Variants in WDR27 observed in about 807,000 individuals in gnomAD.
WDR27 encodes the protein WD repeat domain 27.
A neutral mutation model predicts 114.4 loss-of-function variants in WDR27; 100 were observed. The ratio of observed to expected loss-of-function variants is 0.87; its 90% confidence interval spans 0.74 to 1.03. The LOEUF is 1.03. WDR27 is among the 50% of genes least tolerant of loss of function. WDR27 has a pLI of 0.00. For synonymous variants in WDR27, 449 were observed against 423.1 expected, an observed-to-expected ratio of 1.06 and a Z score of -0.75; for missense variants, 1,129 against 1,092.9, an observed-to-expected ratio of 1.03 and a Z score of -0.47.
chr6:169,694,125 T>G (rs893753726), intron 1 of WDR27, among the ~76,000 whole-genome samples: 3 of 152,122 alleles, frequency 2.0e-5, no homozygotes, highest in Non-Finnish European at 4.4e-5. Context: ...CTGACCAACA[T>G]GGTGAAACCC....
the WDR27 span, among the ~76,000 whole-genome samples, chr6:169,433,540 G>A: frequency 6.6e-6 from 1 of 152,166 alleles, no homozygotes. Flanking sequence ...GAATAGTGCT[G>A]CAATAAACAT....
At chr6:169,624,447 T>TA (rs1250692521) in intron 21 of WDR27, among the ~76,000 whole-genome samples, 1 of 152,016 alleles carries the variant, frequency 6.6e-6, no homozygotes, top group African/African-American at 2.4e-5. Flanking sequence ...TCGAGTGACT[T>TA]AGTGAATGAA....
intron 25 of WDR27, among the ~76,000 whole-genome samples, chr6:169,540,014 G>A (rs1471549005): frequency 6.6e-6 from 1 of 152,194 alleles, no homozygotes; most frequent in African/African-American, 2.4e-5. Context: ...GGCCATAGCC[G>A]TTAACATTTA....
intron 25 of WDR27, among the ~76,000 whole-genome samples, chr6:169,506,003 C>G (rs1791958138): frequency 6.6e-6 from 1 of 152,230 alleles, no homozygotes; most frequent in South Asian, 2.1e-4. Context: ...ACCCCCTAAA[C>G]TTTTAAACTC....
At chr6:169,588,520 G>A (rs1169476707) in intron 23 of WDR27, among the ~76,000 whole-genome samples, 1 of 152,164 alleles carries the variant, frequency 6.6e-6, no homozygotes, top group African/African-American at 2.4e-5. Flanking sequence ...AAAAAATCAT[G>A]TATAAGTGGA....
chr6:169,455,171 G>A (rs1784301840), downstream of WDR27, among the ~76,000 whole-genome samples: 1 of 152,206 alleles, frequency 6.6e-6, no homozygotes, highest in African/African-American at 2.4e-5. Flanking sequence ...AAAGGCCAGG[G>A]CCTCTCAGCC....
intron 17 of WDR27, among the ~76,000 whole-genome samples, chr6:169,643,046 G>A (rs566197211): frequency 2.3e-4 from 35 of 152,292 alleles, no homozygotes; most frequent in Admixed American, 7.2e-4. Flanking sequence ...GGGGTATTTG[G>A]ATTTCAGAAT....
chr6:169,590,162 G>C (rs1007552715), intron 23 of WDR27, among the ~76,000 whole-genome samples: 9 of 152,208 alleles, frequency 5.9e-5, no homozygotes, highest in African/African-American at 2.2e-4. Flanking sequence ...ACATCTGTGA[G>C]AATGAAGTTT....
In WDR27 at chr6:169,575,162, AC is replaced by A. The variant is rs529258798; in HGVS notation, c.2524-2623del. On this transcript the variant is annotated intron_variant, in intron 24 of 25. Coordinates refer to ENST00000448612, the MANE Select transcript of WDR27 (RefSeq NM_182552.5). Reference sequence around the variant, plus strand: ...CAGATCTTGGGACTTCTCGGCCTCCACAACTGCATGAGCCAATTCACATAAA... The same window carrying A: ...CAGATCTTGGGACTTCTCGGCCTCCAAACTGCATGAGCCAATTCACATAAA... Among the ~76,000 whole-genome samples, 35 of 152,154 alleles carry A rather than the reference AC, an allele frequency of 2.3e-4. No homozygotes were observed. In the South Asian group the frequency reaches 7.1e-3, roughly 31 times the overall value.
chr6:169,683,407 A>C (rs1220940058), intron 2 of WDR27, among the ~76,000 whole-genome samples: 1 of 152,192 alleles, frequency 6.6e-6, no homozygotes, highest in East Asian at 1.9e-4. Context: ...AGGCAGTGAT[A>C]TATTCAGGGA....
intron 21 of WDR27, among the ~76,000 whole-genome samples, chr6:169,624,187 G>C (rs1237314900): frequency 6.6e-6 from 1 of 151,748 alleles, no homozygotes; most frequent in Non-Finnish European, 1.5e-5. Flanking sequence ...GCAGCGTGTG[G>C]CATCAGGTGT....
intron 12 of WDR27, among the ~76,000 whole-genome samples, chr6:169,658,639 G>A (rs973912296): frequency 6.6e-6 from 1 of 151,440 alleles, no homozygotes; most frequent in Admixed American, 6.6e-5. Flanking sequence ...AGAAGCAACA[G>A]CACGAAAAAC....
chr6:169,686,033 C>T (rs1782855354), intron 2 of WDR27, among the ~76,000 whole-genome samples: 1 of 152,182 alleles, frequency 6.6e-6, no homozygotes, highest in African/African-American at 2.4e-5. Context: ...CAGGAGAGAA[C>T]TGGTTGCTAT....
intron 17 of WDR27, 41 bp from the exon 18 acceptor site, chr6:169,638,701 A>G: frequency 1.3e-6 from 2 of 1,565,464 alleles, no homozygotes; most frequent in African/African-American, 2.7e-5. Context: ...TTCTACTATT[A>G]ATATCAGTTT....
chr6:169,621,178 A>C (rs568710416), intron 21 of WDR27, among the ~76,000 whole-genome samples: 1 of 152,330 alleles, frequency 6.6e-6, no homozygotes, highest in East Asian at 1.9e-4. Context: ...ACATGCATGC[A>C]CATATACATA....
chr6:169,427,655 C>T, the WDR27 span, among the ~76,000 whole-genome samples: 2 of 152,066 alleles, frequency 1.3e-5, no homozygotes, highest in Non-Finnish European at 1.5e-5. Flanking sequence ...CAACTCCTTG[C>T]GTCCCTCGAG....
At chr6:169,444,872 C>G in the WDR27 span, among the ~76,000 whole-genome samples, 1 of 152,118 alleles carries the variant, frequency 6.6e-6, no homozygotes. Context: ...TGCCCTTTTG[C>G]CAGAGGCTGC....
intron 25 of WDR27, among the ~76,000 whole-genome samples, chr6:169,503,557 C>A (rs1791611684): frequency 1.3e-5 from 2 of 152,168 alleles, no homozygotes; most frequent in African/African-American, 4.8e-5. Context: ...AGCCTGTCAT[C>A]TACTGGTTCA....
At chr6:169,622,925 T>C (rs926347240) in intron 21 of WDR27, among the ~76,000 whole-genome samples, 1 of 152,210 alleles carries the variant, frequency 6.6e-6, no homozygotes, top group East Asian at 1.9e-4. Context: ...TAACAACCCT[T>C]TCCCAAAACA....
Sources: gnomAD v4.1 joint callset for allele counts (sites outside exome capture counted in the v4.1 genomes callset) on GRCh38, gnomAD v4.1.1 for gene constraint, MANE v1.5 for transcripts, NCBI Gene and HGNC (gene_info 2026-07-23, HGNC 2026-07-21) for gene names.